Variants in FBXL20 observed in about 807,000 individuals in gnomAD.
FBXL20 encodes the protein F-box/LRR-repeat protein 20.
FBXL20 carries 11 observed loss-of-function variants against 64.0 expected under a neutral mutation model. That is an observed-to-expected ratio of 0.17 (90% CI 0.11 to 0.28). The LOEUF (loss-of-function observed/expected upper bound fraction) is 0.28, where lower values mean the gene tolerates loss of function less well. FBXL20 is among the 10% of genes least tolerant of loss of function. The pLI, the probability that FBXL20 is intolerant of heterozygous loss-of-function variation, is 1.00. For missense variants in FBXL20, 303 were observed against 526.2 expected, an observed-to-expected ratio of 0.58 and a Z score of 4.15; for synonymous variants, 184 against 189.0, an observed-to-expected ratio of 0.97 and a Z score of 0.22.
rs1226550825 is a variant in FBXL20 at position 39,301,075 on chromosome 17, C to T, written c.160G>A (p.Ala54Thr). 1.2e-6 allele frequency: 2 copies of T among 1,613,094 alleles called. No homozygotes were observed. The highest frequency in any genetic ancestry group is 1.7e-6 in the Non-Finnish European group (2 of 1,179,746). Residue 54 changes from alanine to threonine, a missense_variant and splice_region_variant, in exon 4 of 15, where the codon GCC (alanine) becomes ACC (threonine). This residue lies in a region of FBXL20 where 246 missense variants were observed against 422.6 expected (regional missense o/e 0.58). Coordinates refer to ENST00000264658, the MANE Select transcript of FBXL20 (RefSeq NM_032875.3). Reference sequence around the variant, plus strand: ...CCATCCAGAGCCAGAACATTCCAGGCCTATTTTAAAGAAAAAGAGACAGAA... The same window carrying T: ...CCATCCAGAGCCAGAACATTCCAGGTCTATTTTAAAGAAAAAGAGACAGAA... ...TLCRCAQVSRAWNVLALDGSN... is the reference protein window; with the variant it reads ...TLCRCAQVSRTWNVLALDGSN...
intron 2 of FBXL20, among the ~76,000 whole-genome samples, chr17:39,322,496 T>C (rs1051445641): frequency 2.6e-5 from 4 of 152,102 alleles, no homozygotes. Flanking sequence ...TTAAAAAATT[T>C]TTTAATTTGA....
chr17:39,326,214 C>A (rs2047407594), intron 2 of FBXL20, among the ~76,000 whole-genome samples: 1 of 151,228 alleles, frequency 6.6e-6, no homozygotes, highest in African/African-American at 2.4e-5. Context: ...AAAAAAAAAA[C>A]CTCTTTTCTT....
chr17:39,266,015 A>G (rs957221695), intron 12 of FBXL20, among the ~76,000 whole-genome samples: 3 of 147,938 alleles, frequency 2.0e-5, no homozygotes, highest in African/African-American at 7.4e-5. Flanking sequence ...CAGAGTGTTG[A>G]GATGACAGGT....
At chr17:39,342,100 G>T (rs1286002147) in intron 2 of FBXL20, among the ~76,000 whole-genome samples, 1 of 152,128 alleles carries the variant, frequency 6.6e-6, no homozygotes, top group East Asian at 1.9e-4. Flanking sequence ...ATATATTTAT[G>T]TTATACCCCT....
intron 6 of FBXL20, among the ~76,000 whole-genome samples, chr17:39,287,907 A>G (rs2047002777): frequency 6.6e-6 from 1 of 150,648 alleles, no homozygotes; most frequent in Admixed American, 6.6e-5. Flanking sequence ...GAATACAGCT[A>G]TCTTAGTGTG....
At chr17:39,335,486 G>A (rs1420813784) in intron 2 of FBXL20, among the ~76,000 whole-genome samples, 1 of 151,452 alleles carries the variant, frequency 6.6e-6, no homozygotes, top group African/African-American at 2.4e-5. Flanking sequence ...GGGAGGCTGA[G>A]GCAGGGGAAT....
intron 9 of FBXL20, among the ~76,000 whole-genome samples, chr17:39,279,197 A>T (rs765070488): frequency 6.0e-4 from 92 of 152,244 alleles, no homozygotes; most frequent in African/African-American, 2.2e-3. Flanking sequence ...GTCAGCAACT[A>T]TAGTAATCGG....
At chr17:39,282,652 T>C in intron 8 of FBXL20, 77 bp downstream of exon 8, 1 of 1,589,708 alleles carries the variant, frequency 6.3e-7, no homozygotes, top group Non-Finnish European at 8.6e-7. Context: ...CAGACAAACA[T>C]CTTGGGGCTG....
intron 2 of FBXL20, among the ~76,000 whole-genome samples, chr17:39,315,242 G>A (rs1318572305): frequency 6.6e-6 from 1 of 151,820 alleles, no homozygotes; most frequent in Non-Finnish European, 1.5e-5. Flanking sequence ...AGTGCGAATT[G>A]GTACCCCATT....
chr17:39,284,300 G>A (rs1241497036), intron 7 of FBXL20, among the ~76,000 whole-genome samples: 1 of 152,142 alleles, frequency 6.6e-6, no homozygotes, highest in Non-Finnish European at 1.5e-5. Flanking sequence ...ACAGCAAACC[G>A]TCTTAGGTAC....
chr17:39,343,146 T>A, intron 2 of FBXL20, 34 bp downstream of exon 2: 1 of 1,529,224 alleles, frequency 6.5e-7, no homozygotes. Context: ...GACATACACA[T>A]AAAAAAACCC....
intron 8 of FBXL20, 74 bp from the exon 9 acceptor site, chr17:39,281,537 C>T: frequency 7.9e-7 from 1 of 1,267,140 alleles, no homozygotes; most frequent in Non-Finnish European, 1.1e-6. Flanking sequence ...AGAATGTACA[C>T]ATTCATTCAT....
Position 39,401,446 on chromosome 17 carries a change from A to G in FBXL20, c.-44T>C. On this transcript the variant is annotated 5_prime_UTR_variant, in exon 1 of 15. Coordinates refer to ENST00000264658, the MANE Select transcript of FBXL20 (RefSeq NM_032875.3). ...CCGGGCCGGGCGCTGCGGCGAGCGG[A>G]GTGCACAGACCGGGGGCCCAGGACA... is the stretch of plus-strand genomic sequence containing the variant. 1 of 1,560,254 alleles carries G rather than the reference A, an allele frequency of 6.4e-7. No homozygotes were observed. Among genetic ancestry groups the G allele is most frequent in the Non-Finnish European group, 8.7e-7 (1 of 1,154,410 alleles).
At chr17:39,298,274 T>C (rs974350785) in intron 5 of FBXL20, among the ~76,000 whole-genome samples, 4 of 152,020 alleles carry the variant, frequency 2.6e-5, no homozygotes. Context: ...ATATGTCACC[T>C]AACCTGGCTA....
At chr17:39,358,032 T>C (rs1023729551) in intron 1 of FBXL20, among the ~76,000 whole-genome samples, 1 of 152,208 alleles carries the variant, frequency 6.6e-6, no homozygotes, top group Non-Finnish European at 1.5e-5. Flanking sequence ...TTATAAGAAC[T>C]GTCTCACAGA....
chr17:39,378,464 C>A (rs903748418), intron 1 of FBXL20, among the ~76,000 whole-genome samples: 1 of 151,980 alleles, frequency 6.6e-6, no homozygotes, highest in Non-Finnish European at 1.5e-5. Context: ...AAAAACTAAA[C>A]GGGCAAAGGA....
chr17:39,387,302 A>G (rs1236140687), intron 1 of FBXL20, among the ~76,000 whole-genome samples: 1 of 145,998 alleles, frequency 6.8e-6, no homozygotes, highest in African/African-American at 2.5e-5. Flanking sequence ...TTTTTGAGAC[A>G]AAGTCCCACT....
Position 39,261,194 on chromosome 17 carries a change from G to T in FBXL20, c.*266C>A. On this transcript the variant is annotated 3_prime_UTR_variant, in exon 15 of 15. Transcript: ENST00000264658. Reference sequence around the variant, plus strand: ...ATCTTGGCCTATGATTTTCTTATGGGCACCTCAACAGGAATGGTTAAATTT... The same window carrying T: ...ATCTTGGCCTATGATTTTCTTATGGTCACCTCAACAGGAATGGTTAAATTT... 2.9e-6 allele frequency: 1 copy of T among 347,640 alleles called. No individual in the cohort carries two copies. The highest frequency in any genetic ancestry group is 5.4e-6 in the Non-Finnish European group (1 of 185,878). The allele number at this position is 347,640 out of a possible 1,614,324, so 21.5% of individuals were successfully genotyped here.
chr17:39,303,341 T>C (rs1597785912), intron 3 of FBXL20, among the ~76,000 whole-genome samples: 1 of 152,288 alleles, frequency 6.6e-6, no homozygotes, highest in East Asian at 1.9e-4. Flanking sequence ...GTTTATTGCT[T>C]TTTCATCGAA....
Sources: gnomAD v4.1 joint callset for allele counts (sites outside exome capture counted in the v4.1 genomes callset) on GRCh38, gnomAD v4.1.1 for gene constraint, gnomAD v4.1.1 regional missense constraint, MANE v1.5 for transcripts, NCBI Gene and HGNC (gene_info 2026-07-23, HGNC 2026-07-21) for gene names.